The following EEPD1 variants were observed in gnomAD, a reference collection of about 807,000 sequenced individuals.
The protein encoded by EEPD1 is endonuclease/exonuclease/phosphatase family domain-containing protein 1.
A neutral mutation model predicts 46.3 loss-of-function variants in EEPD1; 17 were observed. The observed-to-expected ratio is 0.37, with a 90% CI of 0.25 to 0.55. EEPD1 has a LOEUF of 0.55. Ranked by LOEUF, EEPD1 falls within the 20% of genes least tolerant of loss-of-function variation. The pLI, the probability that EEPD1 is intolerant of heterozygous loss-of-function variation, is 0.83. For synonymous variants in EEPD1, 313 were observed against 315.6 expected, an observed-to-expected ratio of 0.99 and a Z score of 0.09; for missense variants, 673 against 745.6, an observed-to-expected ratio of 0.90 and a Z score of 1.13.
chr7:36,172,137 C>A (rs1785096111), intron 2 of EEPD1, among the ~76,000 whole-genome samples: 1 of 152,086 alleles, frequency 6.6e-6, no homozygotes, highest in Admixed American at 6.6e-5. Flanking sequence ...TGGTTTTTGT[C>A]CACGATTCCT....
chr7:36,204,044 T>A (rs2115709027), intron 2 of EEPD1, among the ~76,000 whole-genome samples: 1 of 151,770 alleles, frequency 6.6e-6, no homozygotes, highest in Admixed American at 6.6e-5. Flanking sequence ...TTTTCTTTTT[T>A]TTTTTTTAGA....
chr7:36,243,037 A>G (rs911232963), intron 3 of EEPD1, among the ~76,000 whole-genome samples: 17 of 152,208 alleles, frequency 1.1e-4, no homozygotes, highest in African/African-American at 3.9e-4. Flanking sequence ...AGCCAACAAG[A>G]AAAGTTATTT....
At chr7:36,243,525 G>A (rs879032273) in intron 3 of EEPD1, among the ~76,000 whole-genome samples, 2 of 151,670 alleles carry the variant, frequency 1.3e-5, no homozygotes, top group Non-Finnish European at 2.9e-5. Flanking sequence ...AATGACAACC[G>A]GCCTTTGAGT....
rs529924997 is a variant in EEPD1, at chr7:36,204,349, T to A, written c.879-34636T>A. On this transcript the variant is annotated intron_variant, in intron 2 of 7. Transcript: ENST00000242108. ...CTGTGCCCAGCCATAAATGCCCTTT[T>A]AAGTAGCATTTACAATGGCTGCATT... is the stretch of plus-strand genomic sequence containing the variant. 1.8e-4 allele frequency among the ~76,000 whole-genome samples: 27 copies of A among 152,280 alleles called. 1 individual carries two copies. The South Asian group carries it at 5.4e-3, about 30-fold the overall frequency.
intron 2 of EEPD1, among the ~76,000 whole-genome samples, chr7:36,165,053 TTTTAA>T (rs70977109): frequency 0.31 from 47,752 of 151,728 alleles, 7,574 homozygotes; most frequent in African/African-American, 0.37. Flanking sequence ...AAGAAAAAAC[TTTTAA>T]TTTAGTGTAG....
At chr7:36,272,506 G>GTTTT (rs111825287) in intron 3 of EEPD1, among the ~76,000 whole-genome samples, 22 of 130,508 alleles carry the variant, frequency 1.7e-4, no homozygotes, top group East Asian at 7.0e-4. Context: ...TTTTGTTGTT[G>GTTTT]TTTTTTTTTT....
At chr7:36,203,509 CTCTT>C (rs1223906344) in intron 2 of EEPD1, among the ~76,000 whole-genome samples, 1 of 152,212 alleles carries the variant, frequency 6.6e-6, no homozygotes, top group Admixed American at 6.5e-5. Context: ...ACCCAGTTCT[CTCTT>C]AGACTCAGCT....
At chr7:36,162,933 G>C (rs2115606176) in intron 2 of EEPD1, among the ~76,000 whole-genome samples, 1 of 152,212 alleles carries the variant, frequency 6.6e-6, no homozygotes, top group East Asian at 1.9e-4. Flanking sequence ...AGTCTTGTTT[G>C]CTCACCCCAA....
intron 2 of EEPD1, among the ~76,000 whole-genome samples, chr7:36,206,622 C>A (rs550386225): frequency 6.6e-6 from 1 of 152,302 alleles, no homozygotes; most frequent in East Asian, 1.9e-4. Context: ...ATGTAGAGTC[C>A]TCCTAATATT....
chr7:36,207,388 G>T (rs1174332066), intron 2 of EEPD1, among the ~76,000 whole-genome samples: 1 of 152,212 alleles, frequency 6.6e-6, no homozygotes, highest in African/African-American at 2.4e-5. Context: ...GGTGGAAGGA[G>T]CACTGCACGT....
chr7:36,279,033 G>A lies in EEPD1; in HGVS notation c.931-2082G>A, dbSNP rs139825188. ...GAACATATCTGTATGCAAAGAGTCA[G>A]GTTACAATGGAGGCAACTACTTGGA... On this transcript the variant is annotated intron_variant, in intron 3 of 7. Transcript: ENST00000242108. 4.1e-3 allele frequency among the ~76,000 whole-genome samples: 619 copies of A among 152,292 alleles called. 6 individuals are homozygous for A. The highest frequency in any genetic ancestry group is 0.014 in the African/African-American group (590 of 41,546).
intron 2 of EEPD1, among the ~76,000 whole-genome samples, chr7:36,238,674 T>C (rs1786500470): frequency 6.6e-6 from 1 of 152,266 alleles, no homozygotes; most frequent in Non-Finnish European, 1.5e-5. Context: ...ACCTTTTGGC[T>C]ATTGTGAATA....
chr7:36,274,200 C>T (rs1787152456), intron 3 of EEPD1, among the ~76,000 whole-genome samples: 1 of 152,228 alleles, frequency 6.6e-6, no homozygotes, highest in South Asian at 2.1e-4. Flanking sequence ...CTCTCTCATA[C>T]AGACTGAGGG....
intron 2 of EEPD1, among the ~76,000 whole-genome samples, chr7:36,236,256 G>T (rs930809862): frequency 2.6e-5 from 4 of 152,240 alleles, no homozygotes; most frequent in Non-Finnish European, 5.9e-5. Flanking sequence ...TGGCGAGGCC[G>T]GAGCCGGCTC....
intron 2 of EEPD1, chr7:36,231,179 T>G (rs1011033346): frequency 3.3e-5 from 5 of 152,422 alleles, no homozygotes; most frequent in Non-Finnish European, 5.9e-5. Flanking sequence ...CCCTCTGGCT[T>G]CTGTCACCTC....
rs568699637 is a variant in EEPD1, at chr7:36,257,616, G to A, written c.930+18580G>A. Among the ~76,000 whole-genome samples the A allele has an allele frequency of 5.3e-5, 8 of 152,104 alleles. No individual in the cohort carries two copies. The East Asian group carries it at 9.7e-4, about 18-fold the overall frequency. On this transcript the variant is annotated intron_variant, in intron 3 of 7. Transcript: ENST00000242108. ...TCCTTTATTCCACTTGATCGATTTGGCTATTGATACTTGTATATGCTTCAC... is the reference window on the plus strand; with the variant it reads ...TCCTTTATTCCACTTGATCGATTTGACTATTGATACTTGTATATGCTTCAC...
intron 3 of EEPD1, among the ~76,000 whole-genome samples, chr7:36,244,112 T>C (rs1009213901): frequency 4.8e-4 from 73 of 152,222 alleles, no homozygotes; most frequent in African/African-American, 1.8e-3. Flanking sequence ...AGGGCTTAGT[T>C]AGACACACAT....
intron 3 of EEPD1, among the ~76,000 whole-genome samples, chr7:36,249,015 A>ACACACACACACACACAC (rs1554318810): frequency 1.3e-5 from 2 of 151,544 alleles, no homozygotes; most frequent in African/African-American, 4.9e-5. Flanking sequence ...ACACACACAC[A>ACACACACACACACACAC]CACACACACA....
intron 5 of EEPD1, among the ~76,000 whole-genome samples, chr7:36,286,130 T>C (rs945158959): frequency 9.2e-5 from 14 of 152,194 alleles, no homozygotes; most frequent in African/African-American, 2.9e-4. Flanking sequence ...GATAATCCAG[T>C]ATTACCACAA....
Sources: allele counts gnomAD v4.1 joint callset (sites outside exome capture counted in the v4.1 genomes callset), GRCh38; gene constraint gnomAD v4.1.1; transcripts MANE v1.5; gene names NCBI Gene and HGNC (gene_info 2026-07-23, HGNC 2026-07-21).